The following VEPH1 variants were observed in gnomAD, a reference collection of about 807,000 sequenced individuals.
VEPH1 encodes ventricular zone expressed PH domain containing 1, also known as ventricular zone-expressed PH domain-containing protein homolog 1.
A neutral mutation model predicts 85.2 loss-of-function variants in VEPH1; 80 were observed. The ratio of observed to expected loss-of-function variants is 0.94; its 90% CI spans 0.78 to 1.13. VEPH1 has a LOEUF of 1.13. VEPH1 is among the 50% of genes most tolerant of loss of function. VEPH1 has a pLI of 0.00. For synonymous variants in VEPH1, 297 were observed against 348.0 expected (o/e 0.85, Z 1.63); for missense variants, 955 against 980.5 (o/e 0.97, Z 0.35).
chr3:157,315,128 A>G (rs76431805), intron 10 of VEPH1, among the ~76,000 whole-genome samples: 2 of 152,082 alleles, frequency 1.3e-5, no homozygotes, highest in Admixed American at 6.5e-5. Flanking sequence ...TTTTATGTCA[A>G]TGACTGTCTA....
At chr3:157,442,339 A>G (rs2109239335) in intron 4 of VEPH1, 1 of 1,519,924 alleles carries the variant, frequency 6.6e-7, no homozygotes, top group South Asian at 1.2e-5. Flanking sequence ...TTTCTTTAAT[A>G]TTCTTCTTAT....
intron 12 of VEPH1, 29 bp from the exon 13 acceptor site, chr3:157,265,691 A>G: frequency 6.2e-7 from 1 of 1,609,480 alleles, no homozygotes; most frequent in South Asian, 1.1e-5. Flanking sequence ...TAATCATGCC[A>G]TGTATTTTCC....
At chr3:157,369,192 A>AAAAAAAAAAAAAAC (rs1553773117) in intron 7 of VEPH1, among the ~76,000 whole-genome samples, 6 of 142,780 alleles carry the variant, frequency 4.2e-5, no homozygotes, top group Non-Finnish European at 9.3e-5. Flanking sequence ...AAAAAAAAAA[A>AAAAAAAAAAAAAAC]AAAAAAAAAA....
At chr3:157,308,120 T>C (rs1259288267) in intron 11 of VEPH1, among the ~76,000 whole-genome samples, 1 of 151,778 alleles carries the variant, frequency 6.6e-6, no homozygotes, top group Admixed American at 6.6e-5. Flanking sequence ...CAAATAATCT[T>C]ATTGTCTATA....
chr3:157,274,627 A>G (rs933963294), intron 12 of VEPH1, among the ~76,000 whole-genome samples: 9 of 152,072 alleles, frequency 5.9e-5, no homozygotes, highest in African/African-American at 2.2e-4. Context: ...CCCCCCAAGT[A>G]ACTAGGACTA....
chr3:157,269,007 T>C (rs1714136350), intron 12 of VEPH1, among the ~76,000 whole-genome samples: 1 of 152,218 alleles, frequency 6.6e-6, no homozygotes, highest in African/African-American at 2.4e-5. Flanking sequence ...TGTAATGCTA[T>C]TTAATAGTGA....
intron 9 of VEPH1, among the ~76,000 whole-genome samples, chr3:157,318,632 A>ACAG (rs1485244835): frequency 0.014 from 1,857 of 128,614 alleles, 21 homozygotes; most frequent in Non-Finnish European, 0.023. Context: ...AACAAAAAAA[A>ACAG]AAAGAAAGAA....
rs1195663491 is a variant in VEPH1 at position 157,436,864 on chromosome 3, C to T, written c.530-8376G>A. 12 of 1,546,258 alleles carry T rather than the reference C, an allele frequency of 7.8e-6. No homozygotes were observed. The East Asian group carries it at 2.7e-4, about 35-fold the overall frequency. On this transcript the variant is annotated intron_variant, in intron 4 of 13. Transcript: ENST00000362010. ...TCCAGCCTCTCACTCTCACTCTCCT[C>T]CGCTCAAACTCAGCTCACTTGAGAG...
chr3:157,475,971 T>TAA (rs1345212354), intron 2 of VEPH1, among the ~76,000 whole-genome samples: 1 of 152,178 alleles, frequency 6.6e-6, no homozygotes, highest in Non-Finnish European at 1.5e-5. Context: ...GGATTGGACA[T>TAA]AAAGTATAAA....
At chr3:157,353,750 A>G (rs1270645164) in intron 9 of VEPH1, among the ~76,000 whole-genome samples, 2 of 151,930 alleles carry the variant, frequency 1.3e-5, no homozygotes, top group Non-Finnish European at 2.9e-5. Flanking sequence ...AACATCCTAC[A>G]TATTTTACTT....
At chr3:157,348,776 C>G (rs1274929457) in intron 9 of VEPH1, among the ~76,000 whole-genome samples, 1 of 152,214 alleles carries the variant, frequency 6.6e-6, no homozygotes, top group Admixed American at 6.5e-5. Context: ...TTCCACACTC[C>G]AGTCAAATTT....
At chr3:157,478,129 T>G (rs899946312) in intron 2 of VEPH1, among the ~76,000 whole-genome samples, 45 of 152,146 alleles carry the variant, frequency 3.0e-4, no homozygotes, top group African/African-American at 1.1e-3. Context: ...AATGGCCTCA[T>G]TCAACATTTT....
intron 11 of VEPH1, among the ~76,000 whole-genome samples, chr3:157,298,946 G>A (rs1718437115): frequency 6.6e-6 from 1 of 152,088 alleles, no homozygotes; most frequent in South Asian, 2.1e-4. Flanking sequence ...CTCTTTCTTG[G>A]TATGTCTAGT....
Position 157,261,293 on chromosome 3 carries a change from G to A in VEPH1, c.2343C>T (p.Asp781=), listed in dbSNP as rs776371982. ...SVKAVAKKRR[D]RSLPRAFEIF... is the part of the protein sequence containing the mutation. ...TTTCGAAAGCCCGGGGGAGAGAGCG[G>A]TCCCTGCGTTTCTTGGCCACAGCCT... Residue 781 remains aspartate, a synonymous_variant, in exon 14 of 14, where the codon GAC becomes GAT. Transcript: ENST00000362010. The A allele has an allele frequency of 1.9e-6, 3 of 1,613,620 alleles. No homozygotes were observed. Among genetic ancestry groups the A allele is most frequent in the Non-Finnish European group, 2.5e-6 (3 of 1,179,748 alleles).
intron 9 of VEPH1, among the ~76,000 whole-genome samples, chr3:157,323,349 C>T (rs1265560145): frequency 6.6e-6 from 1 of 152,144 alleles, no homozygotes; most frequent in Admixed American, 6.6e-5. Flanking sequence ...TTTCAGAGCT[C>T]GGTTCTGTAG....
chr3:157,271,706 A>C (rs980992399), intron 12 of VEPH1, among the ~76,000 whole-genome samples: 14 of 152,140 alleles, frequency 9.2e-5, no homozygotes, highest in Non-Finnish European at 1.9e-4. Flanking sequence ...AGCCAGAGCT[A>C]AAAGAGCCTA....
At chr3:157,403,199 A>G in intron 6 of VEPH1, among the ~76,000 whole-genome samples, 1 of 152,152 alleles carries the variant, frequency 6.6e-6, no homozygotes, top group Non-Finnish European at 1.5e-5. Context: ...GTCAAATCCT[A>G]TAGGGAGTTC....
At chr3:157,476,339 C>T (rs1228026087) in intron 2 of VEPH1, among the ~76,000 whole-genome samples, 1 of 152,184 alleles carries the variant, frequency 6.6e-6, no homozygotes, top group Non-Finnish European at 1.5e-5. Context: ...ATTGGGTTTG[C>T]TTTTTTTCTG....
Position 157,286,574 on chromosome 3 carries a change from TTGTTGCACATGAAGCATTGCCA to T in VEPH1, c.2089_2110del (p.Trp697IlefsTer8). ...TCTCTCACCAGTTGCTTTCTCAGGA[TTGTTGCACATGAAGCATTGCCA>T]TGCTCCTGCTGTTTCACTGAAGCCA... On this transcript the variant is annotated frameshift_variant, in exon 12 of 14. Coordinates refer to ENST00000362010, the MANE Select transcript of VEPH1 (RefSeq NM_001167912.2). LOFTEE classifies it high-confidence loss of function. The T allele has an allele frequency of 6.2e-7, 1 of 1,614,068 alleles. No homozygotes were observed. Among genetic ancestry groups the T allele is most frequent in the Non-Finnish European group, 8.5e-7 (1 of 1,179,920 alleles).
Sources: gnomAD v4.1 joint callset for allele counts (sites outside exome capture counted in the v4.1 genomes callset) on GRCh38, gnomAD v4.1.1 for gene constraint, MANE v1.5 for transcripts, NCBI Gene and HGNC (gene_info 2026-07-23, HGNC 2026-07-21) for gene names.